EMSY: variants seen among roughly 807,000 people sequenced by gnomAD.
The protein encoded by EMSY is EMSY transcriptional repressor, BRCA2 interacting, also known as BRCA2-interacting transcriptional repressor EMSY.
In EMSY, 26 loss-of-function variants were observed where a neutral mutation model predicts 134.6. That is an observed-to-expected ratio of 0.19 (90% CI 0.14 to 0.27). EMSY has a LOEUF of 0.27. Ranked by LOEUF, EMSY falls within the 10% of genes least tolerant of loss-of-function variation. The probability of loss-of-function intolerance (pLI) is 1.00; values close to 1 mark genes in which losing one functional copy is unlikely to be tolerated. For missense variants in EMSY, 1,305 were observed against 1,611.4 expected (o/e 0.81, Z 3.26); for synonymous variants, 579 against 577.8 (o/e 1.00, Z -0.03).
chr11:76,516,670 A>G (rs1174497228), intron 11 of EMSY: 1 of 160,376 alleles, frequency 6.2e-6, no homozygotes, highest in Non-Finnish European at 1.4e-5. Context: ...TGAATTTACA[A>G]ATGAAGATAG....
chr11:76,511,739 C>G (rs1950285241), intron 9 of EMSY, among the ~76,000 whole-genome samples: 1 of 151,942 alleles, frequency 6.6e-6, no homozygotes, highest in African/African-American at 2.4e-5. Context: ...CTGTAATTCA[C>G]TAATGAAATA....
chr11:76,505,525 GAGA>G, intron 9 of EMSY, among the ~76,000 whole-genome samples: 1 of 152,030 alleles, frequency 6.6e-6, no homozygotes, highest in African/African-American at 2.4e-5. Context: ...GGGATGTGGA[GAGA>G]AGAATAGTGG....
intron 9 of EMSY, among the ~76,000 whole-genome samples, chr11:76,505,723 G>A (rs1590923557): frequency 6.6e-6 from 1 of 152,102 alleles, no homozygotes; most frequent in South Asian, 2.1e-4. Context: ...TGGGCGTGGT[G>A]GCAGGCGCCT....
At position 76,543,979 on chromosome 11, in the gene EMSY, G is replaced by A. The variant is rs76347660; in HGVS notation, c.2710-280G>A. On this transcript the variant is annotated intron_variant, in intron 18 of 20. Coordinates refer to ENST00000334736, the Ensembl canonical transcript of EMSY. The stretch of plus-strand genomic sequence containing the variant: ...GGGAGCCTTTCTCTTCTTTTTCCGT[G>A]TTTGGTTGTGCTTGCAGGGCCATCT... 9.7e-3 allele frequency among the ~76,000 whole-genome samples: 1,471 copies of A among 152,258 alleles called. 26 individuals carry two copies. Among genetic ancestry groups the A allele is most frequent in the East Asian group, 0.058 (302 of 5,178 alleles).
At chr11:76,450,871 G>A (rs929531317) in intron 2 of EMSY, among the ~76,000 whole-genome samples, 3 of 148,040 alleles carry the variant, frequency 2.0e-5, no homozygotes, top group African/African-American at 5.0e-5. Context: ...ACAGCTCACT[G>A]CATCCTTGAC....
chr11:76,447,780 C>T (rs1351524436), intron 2 of EMSY, among the ~76,000 whole-genome samples: 2 of 152,062 alleles, frequency 1.3e-5, no homozygotes, highest in African/African-American at 4.8e-5. Context: ...TTCTGTAGTT[C>T]AAATGAGGAT....
intron 20 of EMSY, among the ~76,000 whole-genome samples, chr11:76,547,911 A>G (rs904710882): frequency 9.2e-5 from 14 of 152,200 alleles, no homozygotes; most frequent in Non-Finnish European, 8.8e-5. Context: ...GCTATGTCAG[A>G]GGTAAGGACA....
At chr11:76,544,915 T>C (rs977294930) in intron 19 of EMSY, 93 bp downstream of exon 20, 2 of 1,366,350 alleles carry the variant, frequency 1.5e-6, no homozygotes, top group Non-Finnish European at 2.0e-6. Flanking sequence ...ATCAGTGCTT[T>C]CTCCTGGCAA....
At chr11:76,543,866 C>G (rs1050052295) in intron 18 of EMSY, among the ~76,000 whole-genome samples, 2 of 152,162 alleles carry the variant, frequency 1.3e-5, no homozygotes, top group East Asian at 1.9e-4. Context: ...TTCTCTGAAC[C>G]TTGGCTTTTC....
At chr11:76,546,199 A>C in exon 20 of EMSY, 4 of 1,614,166 alleles carry the variant, frequency 2.5e-6, no homozygotes, top group Middle Eastern at 1.6e-4. Context: ...GACAAGGAAA[A>C]TTGATCCACC....
At chr11:76,467,628 G>T (rs61894512) in intron 7 of EMSY, among the ~76,000 whole-genome samples, 36,414 of 151,858 alleles carry the variant, frequency 0.24, 4,615 homozygotes, top group Non-Finnish European at 0.28. Context: ...ATTAATTAAT[G>T]AATGAATAGA....
chr11:76,546,615 C>G (rs1231876949), intron 20 of EMSY, among the ~76,000 whole-genome samples: 1 of 152,110 alleles, frequency 6.6e-6, no homozygotes, highest in Admixed American at 6.6e-5. Flanking sequence ...TTAAGTCAAC[C>G]CAGAAGATAG....
chr11:76,464,173 C>T (rs1948256742), intron 7 of EMSY, 93 bp downstream of exon 8: 1 of 1,444,636 alleles, frequency 6.9e-7, no homozygotes, highest in Admixed American at 1.8e-5. Context: ...TTACTATGTG[C>T]TTGGCATTAT....
intron 7 of EMSY, among the ~76,000 whole-genome samples, chr11:76,470,921 G>A (rs2135325376): frequency 6.6e-6 from 1 of 151,906 alleles, no homozygotes; most frequent in East Asian, 1.9e-4. Context: ...TCTCTGTCTG[G>A]AATGATTTGT....
At chr11:76,518,703 A>ATATATATATATATATATATT (rs57143914) in intron 11 of EMSY, among the ~76,000 whole-genome samples, 5 of 130,196 alleles carry the variant, frequency 3.8e-5, no homozygotes, top group Non-Finnish European at 8.0e-5. Context: ...ATATATATAT[A>ATATATATATATATATATATT]TTTTTTTTTT....
intron 7 of EMSY, among the ~76,000 whole-genome samples, chr11:76,470,185 G>A (rs569840106): frequency 6.6e-6 from 1 of 152,182 alleles, no homozygotes; most frequent in South Asian, 2.1e-4. Context: ...GCCTTCTTTA[G>A]AAGTGATATA....
intron 8 of EMSY, 61 bp from the exon 10 acceptor site, chr11:76,496,154 A>G: frequency 1.3e-6 from 2 of 1,511,422 alleles, no homozygotes; most frequent in Non-Finnish European, 1.8e-6. Context: ...TATAATAACC[A>G]GAAGTAACTT....
chr11:76,544,790 C>A, exon 19 of EMSY: 1 of 1,614,124 alleles, frequency 6.2e-7, no homozygotes, highest in South Asian at 1.1e-5. Context: ...AATGTCGCTC[C>A]CAGCTTCTTC....
At chr11:76,528,373 G>T in exon 14 of EMSY, 2 of 1,612,658 alleles carry the variant, frequency 1.2e-6, no homozygotes, top group Non-Finnish European at 1.7e-6. Context: ...GGTAGCAGAG[G>T]CTGGTAATTC....
Sources: gnomAD v4.1 joint callset for allele counts (sites outside exome capture counted in the v4.1 genomes callset) on GRCh38, gnomAD v4.1.1 for gene constraint, MANE v1.5 for transcripts, NCBI Gene and HGNC (gene_info 2026-07-23, HGNC 2026-07-21) for gene names.